Variants in SPARC observed in about 807,000 individuals in gnomAD.
The protein encoded by SPARC is secreted protein acidic and cysteine rich.
A neutral mutation model predicts 37.7 loss-of-function variants in SPARC; 23 were observed. The ratio of observed to expected loss-of-function variants is 0.61; its 90% CI spans 0.44 to 0.87. The LOEUF (loss-of-function observed/expected upper bound fraction) is 0.87. Among genes scored for constraint, SPARC ranks in the 40% least tolerant of loss-of-function variants. SPARC has a pLI of 0.00. For synonymous variants in SPARC, 155 were observed against 150.8 expected (o/e 1.03, Z -0.20); for missense variants, 312 against 389.0 (o/e 0.80, Z 1.66).
intron 7 of SPARC, 86 bp downstream of exon 7, chr5:151,667,381 G>T (rs1282562819): frequency 2.6e-6 from 4 of 1,516,724 alleles, no homozygotes; most frequent in African/African-American, 2.7e-5. Flanking sequence ...GGAGCAGGAT[G>T]CCGCCCTGCA....
intron 1 of SPARC, among the ~76,000 whole-genome samples, chr5:151,680,392 G>A (rs940110338): frequency 6.7e-5 from 7 of 104,826 alleles, no homozygotes; most frequent in African/African-American, 1.4e-4. Context: ...TACACCCAGC[G>A]AATTTTTCTT....
At chr5:151,678,537 G>T (rs1261459127) in intron 1 of SPARC, among the ~76,000 whole-genome samples, 2 of 152,216 alleles carry the variant, frequency 1.3e-5, no homozygotes, top group Non-Finnish European at 2.9e-5. Context: ...TGGGAAGTAG[G>T]CAGACAGGCA....
At chr5:151,671,016 C>T (rs1014520276) in intron 5 of SPARC, among the ~76,000 whole-genome samples, 2 of 152,062 alleles carry the variant, frequency 1.3e-5, no homozygotes, top group South Asian at 2.1e-4. Flanking sequence ...TTTACTTGGA[C>T]GGATGGATGG....
chr5:151,677,501 G>A (rs1293434523), intron 1 of SPARC, among the ~76,000 whole-genome samples: 1 of 152,176 alleles, frequency 6.6e-6, no homozygotes, highest in Non-Finnish European at 1.5e-5. Context: ...AAAATACTCA[G>A]CTTGAAATTA....
In SPARC at chr5:151,663,566, T is replaced by G. The variant is rs760934911; in HGVS notation, c.*5A>C. The G allele has an allele frequency of 1.1e-5, 18 of 1,613,120 alleles. No individual in the cohort carries two copies. The highest frequency in any genetic ancestry group is 1.5e-5 in the Non-Finnish European group (18 of 1,179,428). ...AGAGAATCCGGTACTGTGGAAGGAG[T>G]GGATTTAGATCACAAGATCCTTGTC... On this transcript the variant is annotated 3_prime_UTR_variant, in exon 10 of 10. Coordinates refer to ENST00000231061, the MANE Select transcript of SPARC (RefSeq NM_003118.4).
At chr5:151,669,853 C>A in intron 5 of SPARC, 69 bp from the exon 6 acceptor site, 1 of 1,584,230 alleles carries the variant, frequency 6.3e-7, no homozygotes, top group Non-Finnish European at 8.6e-7. Context: ...ATATCCTTGT[C>A]CATTTCAGAG....
chr5:151,675,794 AC>A (rs1318207059), intron 2 of SPARC, among the ~76,000 whole-genome samples: 2 of 152,038 alleles, frequency 1.3e-5, no homozygotes, highest in African/African-American at 2.4e-5. Flanking sequence ...TACCACCCCT[AC>A]CAGAAATCCC....
At chr5:151,665,685 T>C (rs902705809) in intron 8 of SPARC, among the ~76,000 whole-genome samples, 2 of 152,246 alleles carry the variant, frequency 1.3e-5, no homozygotes, top group African/African-American at 2.4e-5. Flanking sequence ...TGACAGGTTA[T>C]GAACAGAGTA....
chr5:151,684,487 C>G (rs781541606), intron 1 of SPARC, among the ~76,000 whole-genome samples: 1 of 144,578 alleles, frequency 6.9e-6, no homozygotes, highest in African/African-American at 2.6e-5. Context: ...GGGAAATACA[C>G]AAGAAGTTCC....
At chr5:151,676,519 T>C (rs1760861875) in intron 1 of SPARC, among the ~76,000 whole-genome samples, 1 of 152,200 alleles carries the variant, frequency 6.6e-6, no homozygotes, top group South Asian at 2.1e-4. Flanking sequence ...TTGTTTTGTT[T>C]TTTTTATGTG....
intron 8 of SPARC, among the ~76,000 whole-genome samples, chr5:151,665,570 A>C (rs1189926293): frequency 6.6e-6 from 1 of 152,008 alleles, no homozygotes; most frequent in Non-Finnish European, 1.5e-5. Flanking sequence ...CCACAACCCA[A>C]GGACGAAGAA....
At chr5:151,674,420 C>T (rs1372064464) in intron 3 of SPARC, among the ~76,000 whole-genome samples, 192 bp downstream of exon 3, 3 of 152,186 alleles carry the variant, frequency 2.0e-5, no homozygotes, top group South Asian at 4.1e-4. Flanking sequence ...CGTAGGGTTC[C>T]GTTGAAGGTT....
At chr5:151,665,264 G>A (rs929861055) in intron 8 of SPARC, among the ~76,000 whole-genome samples, 2 of 152,182 alleles carry the variant, frequency 1.3e-5, no homozygotes, top group South Asian at 2.1e-4. Flanking sequence ...CAGGCCCTCT[G>A]TTGCAGTGGG....
At chr5:151,667,079 G>A (rs1280457385) in intron 7 of SPARC, among the ~76,000 whole-genome samples, 1 of 152,188 alleles carries the variant, frequency 6.6e-6, no homozygotes, top group Non-Finnish European at 1.5e-5. Context: ...AGCTTCCTGG[G>A]CCTTGCTTTC....
intron 9 of SPARC, 152 bp from the exon 10 acceptor site, chr5:151,663,751 GCTCT>G (rs1324929103): frequency 8.1e-6 from 6 of 738,536 alleles, no homozygotes; most frequent in African/African-American, 1.7e-5. Context: ...GAGGAATCTC[GCTCT>G]CTCTGTCTCT....
intron 8 of SPARC, among the ~76,000 whole-genome samples, chr5:151,665,262 C>T (rs902063048): frequency 9.2e-5 from 14 of 152,324 alleles, no homozygotes; most frequent in African/African-American, 3.1e-4. Flanking sequence ...TCCAGGCCCT[C>T]TGTTGCAGTG....
intron 1 of SPARC, chr5:151,679,757 G>C (rs1455043720): frequency 6.6e-6 from 1 of 152,176 alleles, no homozygotes; most frequent in Non-Finnish European, 1.5e-5. Context: ...CAGCCCCCAG[G>C]TTTGTCCCTC....
intron 3 of SPARC, among the ~76,000 whole-genome samples, chr5:151,673,784 T>C (rs1167175787): frequency 6.6e-6 from 1 of 152,166 alleles, no homozygotes; most frequent in Admixed American, 6.5e-5. Context: ...CCCTAAAATG[T>C]ATGAAAGCAA....
chr5:151,669,877 G>C, intron 5 of SPARC, 93 bp from the exon 6 acceptor site: 1 of 1,517,116 alleles, frequency 6.6e-7, no homozygotes, highest in Non-Finnish European at 9.0e-7. Flanking sequence ...GGGACACTGA[G>C]GGTTAAGCAA....
Sources: allele counts gnomAD v4.1 joint callset (sites outside exome capture counted in the v4.1 genomes callset), GRCh38; gene constraint gnomAD v4.1.1; transcripts MANE v1.5; gene names NCBI Gene and HGNC (gene_info 2026-07-23, HGNC 2026-07-21).